MEIKIN: variants seen among roughly 807,000 people sequenced by gnomAD.
MEIKIN encodes the protein meiosis-specific kinetochore protein.
chr5:131,811,873 C>T (rs183640383), intron 12 of MEIKIN, among the ~76,000 whole-genome samples: 83 of 152,308 alleles, frequency 5.4e-4, no homozygotes, highest in Middle Eastern at 3.4e-3. Flanking sequence ...GGATTACAGG[C>T]CTAAGCCACT....
intron 12 of MEIKIN, among the ~76,000 whole-genome samples, chr5:131,815,625 G>C (rs1360860817): frequency 6.6e-6 from 1 of 152,194 alleles, no homozygotes; most frequent in Non-Finnish European, 1.5e-5. Flanking sequence ...GTGTTGACTG[G>C]GGCGACTGAT....
chr5:131,820,722 G>C (rs913585990), intron 11 of MEIKIN, among the ~76,000 whole-genome samples: 1 of 152,124 alleles, frequency 6.6e-6, no homozygotes. Context: ...ACAGGTTTTT[G>C]ATTGATGGTT....
chr5:131,809,948 C>T (rs942178841), intron 12 of MEIKIN, among the ~76,000 whole-genome samples: 1 of 152,144 alleles, frequency 6.6e-6, no homozygotes, highest in South Asian at 2.1e-4. Flanking sequence ...TTATATGTCA[C>T]ACTCTTTACA....
At chr5:131,839,294 T>C (rs998372368) in intron 11 of MEIKIN, among the ~76,000 whole-genome samples, 1 of 152,140 alleles carries the variant, frequency 6.6e-6, no homozygotes, top group Non-Finnish European at 1.5e-5. Flanking sequence ...TTTTAGAGTA[T>C]GTGACATGTG....
Position 131,880,608 on chromosome 5 carries a change from C to T in MEIKIN, c.704-1560G>A, listed in dbSNP as rs535452094. Among the ~76,000 whole-genome samples the T allele has an allele frequency of 3.0e-4, 46 of 152,282 alleles. 1 individual carries two copies. In the South Asian group the frequency reaches 9.3e-3, roughly 31 times the overall value. The stretch of plus-strand genomic sequence containing the variant: ...CACCAAAAGATTTTTCTTTAGGTTT[C>T]AATAGCATTTCAATTCACCTCCCTC... On this transcript the variant is annotated intron_variant, in intron 8 of 12. Transcript: ENST00000442687.
chr5:131,833,814 C>T (rs972668560), intron 11 of MEIKIN, among the ~76,000 whole-genome samples: 5 of 152,182 alleles, frequency 3.3e-5, no homozygotes, highest in African/African-American at 1.2e-4. Flanking sequence ...ACAGCCAAAC[C>T]ATATCAGTAA....
chr5:131,930,674 G>A (rs1302125655), intron 5 of MEIKIN, among the ~76,000 whole-genome samples: 2 of 151,812 alleles, frequency 1.3e-5, no homozygotes, highest in African/African-American at 4.8e-5. Flanking sequence ...TGTCATCCAG[G>A]CTGGAGTGCA....
intron 9 of MEIKIN, among the ~76,000 whole-genome samples, chr5:131,871,069 T>A (rs757307025): frequency 5.3e-5 from 8 of 152,118 alleles, no homozygotes; most frequent in African/African-American, 1.9e-4. Flanking sequence ...GCTCCCAGCA[T>A]GAGCGACGCA....
At chr5:131,927,982 A>T (rs1751619963) in intron 5 of MEIKIN, among the ~76,000 whole-genome samples, 1 of 151,878 alleles carries the variant, frequency 6.6e-6, no homozygotes, top group African/African-American at 2.4e-5. Flanking sequence ...CGTCTCTACT[A>T]AAAATACAAA....
chr5:131,875,724 A>G (rs1750600185), intron 9 of MEIKIN, among the ~76,000 whole-genome samples: 1 of 152,230 alleles, frequency 6.6e-6, no homozygotes, highest in African/African-American at 2.4e-5. Flanking sequence ...TGGAGGGATC[A>G]TGCTACCTGA....
chr5:131,871,511 G>C (rs1442888019), intron 9 of MEIKIN, among the ~76,000 whole-genome samples: 1 of 152,236 alleles, frequency 6.6e-6, no homozygotes, highest in Non-Finnish European at 1.5e-5. Context: ...AGCTCGAACT[G>C]GGTGGAGCCC....
rs1167213249 is a variant in MEIKIN at position 131,819,765 on chromosome 5, A to ATTTTTTTTTTT, written c.976-913_976-903dup. ...TAGGCATGCACCACTACATCCAGCT[A>ATTTTTTTTTTT]TTTTTTTTTTTTTTTTTTTTTTTTT... On this transcript the variant is annotated intron_variant, in intron 11 of 12. Coordinates refer to ENST00000442687, the MANE Select transcript of MEIKIN (RefSeq NM_001303622.2). 2.0e-4 allele frequency among the ~76,000 whole-genome samples: 13 copies of ATTTTTTTTTTT among 64,574 alleles called. 2 individuals carry two copies. The highest frequency in any genetic ancestry group is 1.0e-3 in the African/African-American group (13 of 12,792). The allele number at this position is 64,574 out of a possible 152,430, so 42.4% of individuals were successfully genotyped here.
At chr5:131,833,738 G>C (rs2149607781) in intron 11 of MEIKIN, among the ~76,000 whole-genome samples, 1 of 152,132 alleles carries the variant, frequency 6.6e-6, no homozygotes, top group African/African-American at 2.4e-5. Context: ...CCTCCCAATG[G>C]GTCCCTCCCA....
Position 131,886,356 on chromosome 5 carries a change from G to A in MEIKIN, c.704-7308C>T, listed in dbSNP as rs138498622. On this transcript the variant is annotated intron_variant, in intron 8 of 12. Coordinates refer to ENST00000442687, the MANE Select transcript of MEIKIN (RefSeq NM_001303622.2). ...ATATTTAACCCAAAGACTACTTTAAGGCATTTAATAATCAAAGTCTTAAAG... is the reference window on the plus strand; with the variant it reads ...ATATTTAACCCAAAGACTACTTTAAAGCATTTAATAATCAAAGTCTTAAAG... Among the ~76,000 whole-genome samples the A allele has an allele frequency of 3.7e-3, 566 of 152,130 alleles. 4 individuals are homozygous for A. Among genetic ancestry groups the A allele is most frequent in the African/African-American group, 0.013 (536 of 41,496 alleles).
At chr5:131,929,802 A>T (rs1336487351) in intron 5 of MEIKIN, among the ~76,000 whole-genome samples, 1 of 152,160 alleles carries the variant, frequency 6.6e-6, no homozygotes, top group Admixed American at 6.5e-5. Context: ...CTGTTCCTGC[A>T]TTAATTTGCT....
intron 7 of MEIKIN, among the ~76,000 whole-genome samples, chr5:131,915,107 G>T (rs1314413582): frequency 6.6e-6 from 1 of 152,170 alleles, no homozygotes; most frequent in Non-Finnish European, 1.5e-5. Context: ...AATGAAGAAA[G>T]TGGCCAAATT....
intron 4 of MEIKIN, 92 bp from the exon 5 acceptor site, chr5:131,933,733 T>A: frequency 2.6e-6 from 1 of 390,678 alleles, no homozygotes; most frequent in Non-Finnish European, 4.5e-6. Context: ...TGTACATGCT[T>A]AGTTATATAT....
chr5:131,902,152 G>T (rs956164843), intron 8 of MEIKIN, among the ~76,000 whole-genome samples: 1 of 152,168 alleles, frequency 6.6e-6, no homozygotes, highest in African/African-American at 2.4e-5. Flanking sequence ...TCCTGAGATT[G>T]CTGGGCACAA....
At chr5:131,812,816 A>C (rs1170867472) in intron 12 of MEIKIN, among the ~76,000 whole-genome samples, 1 of 152,262 alleles carries the variant, frequency 6.6e-6, no homozygotes, top group Non-Finnish European at 1.5e-5. Context: ...AGGTCCCTGC[A>C]GGTGACTCCC....
Sources: allele counts gnomAD v4.1 joint callset (sites outside exome capture counted in the v4.1 genomes callset), GRCh38; gene constraint gnomAD v4.1.1; transcripts MANE v1.5; gene names NCBI Gene and HGNC (gene_info 2026-07-23, HGNC 2026-07-21).